Variants in TTC29 observed in about 807,000 individuals in gnomAD.
TTC29 encodes the protein tetratricopeptide repeat protein 29.
TTC29 carries 49 observed loss-of-function variants against 58.1 expected under a neutral mutation model. The observed-to-expected ratio is 0.84, with a 90% CI of 0.67 to 1.07. The LOEUF (loss-of-function observed/expected upper bound fraction) is 1.07, where lower values mean the gene tolerates loss of function less well. Among genes scored for constraint, TTC29 ranks in the 50% least tolerant of loss-of-function variants. The probability of loss-of-function intolerance (pLI) is 0.00; values close to 1 mark genes in which losing one functional copy is unlikely to be tolerated. For synonymous variants in TTC29, 209 were observed against 196.8 expected (o/e 1.06, Z -0.52); for missense variants, 582 against 555.6 (o/e 1.05, Z -0.48).
intron 7 of TTC29, among the ~76,000 whole-genome samples, chr4:146,871,256 AG>A (rs1421145813): frequency 6.6e-6 from 1 of 151,970 alleles, no homozygotes; most frequent in African/African-American, 2.4e-5. Flanking sequence ...CAATAGATGT[AG>A]GAAAAAAACA....
chr4:146,763,001 A>G (rs1016328605), intron 11 of TTC29, among the ~76,000 whole-genome samples: 1 of 151,982 alleles, frequency 6.6e-6, no homozygotes, highest in African/African-American at 2.4e-5. Context: ...CATAGCAGTC[A>G]ATTCCTTTGC....
chr4:146,862,542 CTAA>C (rs1339532687), intron 8 of TTC29, among the ~76,000 whole-genome samples: 1 of 152,114 alleles, frequency 6.6e-6, no homozygotes, highest in African/African-American at 2.4e-5. Flanking sequence ...AGATAGGACA[CTAA>C]GGAGAGTGAA....
At chr4:146,924,960 T>C (rs1439108860) in intron 4 of TTC29, among the ~76,000 whole-genome samples, 1 of 152,024 alleles carries the variant, frequency 6.6e-6, no homozygotes, top group Non-Finnish European at 1.5e-5. Context: ...TGATTTCTTC[T>C]TTGATTCAGG....
chr4:146,788,089 A>C (rs1262347416), intron 11 of TTC29, among the ~76,000 whole-genome samples: 4 of 152,182 alleles, frequency 2.6e-5, no homozygotes, highest in African/African-American at 9.7e-5. Flanking sequence ...AGACCTGAGG[A>C]TTCAGTACCT....
At position 146,867,724 on chromosome 4, in the gene TTC29, T is replaced by C. The variant is rs563133626; in HGVS notation, c.800-141A>G. On this transcript the variant is annotated intron_variant, in intron 7 of 12. Coordinates refer to ENST00000325106, the MANE Select transcript of TTC29 (RefSeq NM_031956.4). Reference sequence around the variant, plus strand: ...CAATAATCCCCAAAACCTAGCTATATACTGAAAAAAAAAGGCTGATGTAAA... The same window carrying C: ...CAATAATCCCCAAAACCTAGCTATACACTGAAAAAAAAAGGCTGATGTAAA... 5 of 456,258 alleles carry C rather than the reference T, an allele frequency of 1.1e-5. No homozygotes were observed. The East Asian group carries it at 1.8e-4, about 16-fold the overall frequency. 28.3% of individuals were successfully genotyped at this position (456,258 alleles called of 1,614,324 possible).
At chr4:146,717,418 T>C (rs1312403198) in intron 11 of TTC29, among the ~76,000 whole-genome samples, 4 of 152,044 alleles carry the variant, frequency 2.6e-5, no homozygotes, top group African/African-American at 9.6e-5. Context: ...GCTGGGATTA[T>C]AGGGGCCCAC....
In TTC29 at chr4:146,728,560, C is replaced by T. The variant is rs575429341; in HGVS notation, c.1331-21009G>A. 3.0e-3 allele frequency among the ~76,000 whole-genome samples: 459 copies of T among 150,868 alleles called. 4 individuals carry two copies. Among genetic ancestry groups the T allele is most frequent in the African/African-American group, 0.011 (444 of 41,162 alleles). On this transcript the variant is annotated intron_variant, in intron 11 of 12. Coordinates refer to ENST00000325106, the MANE Select transcript of TTC29 (RefSeq NM_031956.4). Reference sequence around the variant, plus strand: ...CCATTCTATCTAAAATAAAATTGCCCCATTTATACAGGGACAGGGAATGAT... The same window carrying T: ...CCATTCTATCTAAAATAAAATTGCCTCATTTATACAGGGACAGGGAATGAT...
intron 11 of TTC29, among the ~76,000 whole-genome samples, chr4:146,787,446 ATACTTGAG>A (rs1217917242): frequency 1.1e-4 from 17 of 152,304 alleles, no homozygotes; most frequent in African/African-American, 4.1e-4. Flanking sequence ...CAAAAGCAAA[ATACTTGAG>A]TTGTTCCCTC....
rs553537883 is a variant in TTC29, at chr4:146,808,031, C to T, written c.1102-4346G>A. ...CCAAATCCAGCATCACATTAAAAAG[C>T]TTATTCATCATGACCAAATTGGCTT... is the stretch of plus-strand genomic sequence containing the variant. On this transcript the variant is annotated intron_variant, in intron 10 of 12. Transcript: ENST00000325106. Among the ~76,000 whole-genome samples, 11 of 152,256 alleles carry T rather than the reference C, an allele frequency of 7.2e-5. 1 individual carries two copies. Among genetic ancestry groups the T allele is most frequent in the African/African-American group, 2.6e-4 (11 of 41,556 alleles).
At chr4:146,817,698 G>T (rs2150136545) in intron 10 of TTC29, among the ~76,000 whole-genome samples, 1 of 152,282 alleles carries the variant, frequency 6.6e-6, no homozygotes, top group Admixed American at 6.5e-5. Flanking sequence ...CAAGGCTACA[G>T]TAACCAAAAC....
chr4:146,914,415 T>G (rs989639386), intron 4 of TTC29, among the ~76,000 whole-genome samples: 4 of 152,196 alleles, frequency 2.6e-5, no homozygotes, highest in Non-Finnish European at 5.9e-5. Context: ...TTTATGAATA[T>G]TAGTCTAAAT....
At chr4:146,770,052 T>C (rs1159875378) in intron 11 of TTC29, among the ~76,000 whole-genome samples, 1 of 151,962 alleles carries the variant, frequency 6.6e-6, no homozygotes, top group African/African-American at 2.4e-5. Context: ...GACTTCATGG[T>C]TTTCAGGCTT....
rs75953045 is a variant in TTC29 at position 146,876,954 on chromosome 4, A to T, written c.587-2026T>A. Among the ~76,000 whole-genome samples, 214 of 150,772 alleles carry T rather than the reference A, an allele frequency of 1.4e-3. 2 individuals are homozygous for T. In the East Asian group the frequency reaches 0.033, roughly 23 times the overall value. ...CATCTCAAAAAAAAAAAAAAAAAAA[A>T]GCAAAATTTAGTAGACATGGACAGT... On this transcript the variant is annotated intron_variant, in intron 6 of 12. Coordinates refer to ENST00000325106, the MANE Select transcript of TTC29 (RefSeq NM_031956.4).
At position 146,854,975 on chromosome 4, in the gene TTC29, C is replaced by T. The variant is rs144830900; in HGVS notation, c.885+12523G>A. Among the ~76,000 whole-genome samples, 363 of 152,212 alleles carry T rather than the reference C, an allele frequency of 2.4e-3. 7 individuals carry two copies. The highest frequency in any genetic ancestry group is 0.023 in the Admixed American group (347 of 15,284). ...TATCTTCTTTCTCTTTTTCTATTCT[C>T]GGCCATCATCTTCATCATTAAAAAC... is the stretch of plus-strand genomic sequence containing the variant. On this transcript the variant is annotated intron_variant, in intron 8 of 12. Transcript: ENST00000325106.
At chr4:146,884,640 T>G (rs1399217334) in intron 6 of TTC29, among the ~76,000 whole-genome samples, 1 of 152,068 alleles carries the variant, frequency 6.6e-6, no homozygotes, top group East Asian at 1.9e-4. Context: ...AATGAACAAG[T>G]AGGATTTATT....
intron 6 of TTC29, among the ~76,000 whole-genome samples, chr4:146,883,912 G>T (rs1302398811): frequency 6.6e-6 from 1 of 152,060 alleles, no homozygotes; most frequent in African/African-American, 2.4e-5. Context: ...TTCATTTGAA[G>T]CTCTAATAAA....
chr4:146,932,501 G>A lies in TTC29; in HGVS notation c.176+5093C>T, dbSNP rs79480774. Among the ~76,000 whole-genome samples, 678 of 152,170 alleles carry A rather than the reference G, an allele frequency of 4.5e-3. 6 individuals carry two copies. Among genetic ancestry groups the A allele is most frequent in the African/African-American group, 0.015 (614 of 41,534 alleles). ...TTGAAAGGATCTAACTTCCAATAAA[G>A]AATTATGAAATATTGTATCTTAAAT... On this transcript the variant is annotated intron_variant, in intron 4 of 12. Coordinates refer to ENST00000325106, the MANE Select transcript of TTC29 (RefSeq NM_031956.4).
At chr4:146,938,605 A>T (rs1736070585) in intron 3 of TTC29, among the ~76,000 whole-genome samples, 1 of 152,204 alleles carries the variant, frequency 6.6e-6, no homozygotes, top group Non-Finnish European at 1.5e-5. Flanking sequence ...GTGTACACAC[A>T]TGAATTATGC....
intron 11 of TTC29, among the ~76,000 whole-genome samples, chr4:146,772,528 A>C (rs1265668820): frequency 6.6e-6 from 1 of 151,884 alleles, no homozygotes; most frequent in Non-Finnish European, 1.5e-5. Context: ...AGATCAGATG[A>C]TTGCAGGTGC....
Sources: allele counts gnomAD v4.1 joint callset (sites outside exome capture counted in the v4.1 genomes callset), GRCh38; gene constraint gnomAD v4.1.1; transcripts MANE v1.5; gene names NCBI Gene and HGNC (gene_info 2026-07-23, HGNC 2026-07-21).